Variants in OXR1 observed in about 807,000 individuals in gnomAD.
The protein encoded by OXR1 is oxidation resistance protein 1.
In OXR1, 41 loss-of-function variants were observed where a neutral mutation model predicts 104.6. That is an observed-to-expected ratio of 0.39 (90% CI 0.31 to 0.51). The LOEUF (loss-of-function observed/expected upper bound fraction) is 0.51, where lower values mean the gene tolerates loss of function less well. Ranked by LOEUF, OXR1 falls within the 20% of genes least tolerant of loss-of-function variation. The probability of loss-of-function intolerance (pLI) is 0.77; values close to 1 mark genes in which losing one functional copy is unlikely to be tolerated. For missense variants in OXR1, 955 were observed against 1,031.9 expected (o/e 0.93, Z 1.02); for synonymous variants, 348 against 348.4 (o/e 1.00, Z 0.01).
At chr8:106,327,326 T>C (rs571923306) in intron 1 of OXR1, among the ~76,000 whole-genome samples, 7 of 152,332 alleles carry the variant, frequency 4.6e-5, no homozygotes, top group Admixed American at 3.9e-4. Flanking sequence ...TTGATTTCAT[T>C]TTAATTTTAA....
intron 3 of OXR1, among the ~76,000 whole-genome samples, chr8:106,600,962 A>C (rs1439449123): frequency 6.6e-6 from 1 of 152,200 alleles, no homozygotes; most frequent in African/African-American, 2.4e-5. Flanking sequence ...AAACATGGTA[A>C]TTAAATGTTC....
At chr8:106,382,691 T>G (rs922758103) in intron 2 of OXR1, among the ~76,000 whole-genome samples, 2 of 145,564 alleles carry the variant, frequency 1.4e-5, no homozygotes, top group African/African-American at 5.3e-5. Context: ...GGTTTTTTTT[T>G]TTTTTTTTTT....
chr8:106,697,494 C>G, intron 7 of OXR1: 1 of 1,609,004 alleles, frequency 6.2e-7, no homozygotes, highest in Non-Finnish European at 8.5e-7. Context: ...GTAGCCCGAT[C>G]ACGTTCTTGC....
At chr8:106,293,370 A>C (rs553888920) in intron 1 of OXR1, among the ~76,000 whole-genome samples, 1 of 152,322 alleles carries the variant, frequency 6.6e-6, no homozygotes, top group South Asian at 2.1e-4. Flanking sequence ...ACATTGCAGC[A>C]TTGAATTAGA....
chr8:106,489,410 G>C (rs1810927724), intron 2 of OXR1, among the ~76,000 whole-genome samples: 1 of 152,182 alleles, frequency 6.6e-6, no homozygotes, highest in Non-Finnish European at 1.5e-5. Context: ...CAATTGCCAG[G>C]AAAGCTCAGC....
At chr8:106,536,219 CAAAA>C (rs535365640) in intron 3 of OXR1, among the ~76,000 whole-genome samples, 5 of 94,862 alleles carry the variant, frequency 5.3e-5, no homozygotes, top group African/African-American at 1.2e-4. Flanking sequence ...GACTCTGTCT[CAAAA>C]AAAAAAGAAA....
chr8:106,633,921 A>G (rs1383752628), intron 3 of OXR1, among the ~76,000 whole-genome samples: 1 of 152,208 alleles, frequency 6.6e-6, no homozygotes, highest in Non-Finnish European at 1.5e-5. Context: ...CAGAGGTCCC[A>G]TATGCTTAAC....
rs1373474116 is a variant in OXR1 at position 106,359,605 on chromosome 8, G to A, written c.-9G>A. ...GAATCGAGAGAAGACTCCTCAACAA[G>A]TTGCTGCAATGTCTGTGTCTAATCT... On this transcript the variant is annotated 5_prime_UTR_variant, in exon 2 of 17. Transcript: ENST00000517566. 2.3e-5 allele frequency: 36 copies of A among 1,548,862 alleles called. No individual in the cohort carries two copies. The highest frequency in any genetic ancestry group is 3.0e-5 in the Non-Finnish European group (34 of 1,144,276).
chr8:106,361,009 C>T (rs897174530), intron 2 of OXR1, among the ~76,000 whole-genome samples: 68 of 152,264 alleles, frequency 4.5e-4, no homozygotes, highest in African/African-American at 1.6e-3. Flanking sequence ...GCAGGACTAA[C>T]ATTGAGGCCT....
At chr8:106,651,128 C>T (rs555665317) in intron 3 of OXR1, among the ~76,000 whole-genome samples, 10 of 152,238 alleles carry the variant, frequency 6.6e-5, no homozygotes, top group African/African-American at 2.2e-4. Context: ...TCCTGCAAAA[C>T]GGTAGTACCA....
Position 106,706,924 on chromosome 8 carries a change from T to C in OXR1, c.1403T>C (p.Met468Thr), listed in dbSNP as rs765948950. The change falls in exon 9 of 17, where the codon ATG becomes ACG. Residue 468 changes from methionine (M) to threonine (T), a missense_variant. Coordinates refer to ENST00000517566, the MANE Select transcript of OXR1 (RefSeq NM_001198533.2). ...LHQEESQKEN[M>T]PCGETAEFKQ... The stretch of plus-strand genomic sequence containing the variant: ...CAAGAAGAGAGTCAAAAAGAAAATA[T>C]GCCTTGTGGGGAAACAGCAGAATTT... The C allele has an allele frequency of 5.6e-6, 9 of 1,612,302 alleles. No individual in the cohort carries two copies. Among genetic ancestry groups the C allele is most frequent in the South Asian group, 2.2e-5 (2 of 90,612 alleles).
At chr8:106,519,862 C>A (rs1196289385) in intron 3 of OXR1, among the ~76,000 whole-genome samples, 1 of 152,144 alleles carries the variant, frequency 6.6e-6, no homozygotes, top group East Asian at 1.9e-4. Flanking sequence ...AAATTACCAA[C>A]TTTAGTGTAC....
chr8:106,386,877 T>C (rs565628296), intron 2 of OXR1, among the ~76,000 whole-genome samples: 1 of 152,202 alleles, frequency 6.6e-6, no homozygotes, highest in South Asian at 2.1e-4. Flanking sequence ...AGGCTGATGA[T>C]TTTTTAGCAG....
intron 3 of OXR1, among the ~76,000 whole-genome samples, chr8:106,540,245 G>A (rs570157982): frequency 1.1e-4 from 16 of 152,204 alleles, no homozygotes; most frequent in African/African-American, 1.9e-4. Context: ...TGGAACACCC[G>A]AGGAGCAAAG....
intron 5 of OXR1, 58 bp from the exon 6 acceptor site, chr8:106,684,188 C>G: frequency 4.9e-6 from 4 of 813,420 alleles, no homozygotes; most frequent in Non-Finnish European, 8.4e-6. Flanking sequence ...TTATAGAACA[C>G]CATCTAATTA....
At chr8:106,346,652 G>A (rs1439997211) in intron 1 of OXR1, among the ~76,000 whole-genome samples, 2 of 151,584 alleles carry the variant, frequency 1.3e-5, no homozygotes, top group Non-Finnish European at 2.9e-5. Context: ...CATTTTGCCA[G>A]TGGCAACATC....
chr8:106,569,827 A>G (rs1375670714), intron 3 of OXR1, among the ~76,000 whole-genome samples: 3 of 152,250 alleles, frequency 2.0e-5, no homozygotes, highest in African/African-American at 4.8e-5. Flanking sequence ...GAAATCCATA[A>G]AAACCCTTGT....
intron 3 of OXR1, among the ~76,000 whole-genome samples, chr8:106,528,098 C>G (rs367953046): frequency 6.6e-5 from 10 of 151,788 alleles, no homozygotes; most frequent in African/African-American, 2.2e-4. Context: ...CCTCTTTTGT[C>G]CCCTCCCTCT....
At chr8:106,745,364 C>T (rs998203086) in intron 15 of OXR1, among the ~76,000 whole-genome samples, 2 of 152,128 alleles carry the variant, frequency 1.3e-5, no homozygotes, top group African/African-American at 4.8e-5. Flanking sequence ...AATATATATG[C>T]AAAGAAAAGG....
Sources: gnomAD v4.1 joint callset for allele counts (sites outside exome capture counted in the v4.1 genomes callset) on GRCh38, gnomAD v4.1.1 for gene constraint, MANE v1.5 for transcripts, NCBI Gene and HGNC (gene_info 2026-07-23, HGNC 2026-07-21) for gene names.